ZNF43: variants seen among roughly 807,000 people sequenced by gnomAD.
ZNF43 encodes the protein zinc finger protein 43.
A neutral mutation model predicts 68.4 loss-of-function variants in ZNF43; 44 were observed. The observed-to-expected ratio is 0.64, with a 90% CI of 0.51 to 0.83. The LOEUF is 0.83. Ranked by LOEUF, ZNF43 falls within the 40% of genes least tolerant of loss-of-function variation. The probability of loss-of-function intolerance (pLI) is 0.00; values close to 1 mark genes in which losing one functional copy is unlikely to be tolerated. For missense variants in ZNF43, 896 were observed against 933.2 expected (o/e 0.96, Z 0.52); for synonymous variants, 308 against 307.8 (o/e 1.00, Z -0.01).
At chr19:21,835,063 T>C (rs2038634008) in intron 1 of ZNF43, among the ~76,000 whole-genome samples, 1 of 148,958 alleles carries the variant, frequency 6.7e-6, no homozygotes, top group African/African-American at 2.5e-5. Flanking sequence ...CTGGCCAATA[T>C]AGTGAAATCC....
At chr19:21,831,651 C>T (rs867352120) in intron 1 of ZNF43, among the ~76,000 whole-genome samples, 5 of 152,096 alleles carry the variant, frequency 3.3e-5, no homozygotes, top group African/African-American at 7.2e-5. Flanking sequence ...TGAACCACCA[C>T]GCCCGGCTCC....
chr19:21,827,290 T>C (rs1020178729), intron 1 of ZNF43: 2 of 152,192 alleles, frequency 1.3e-5, no homozygotes, highest in Non-Finnish European at 2.9e-5. Flanking sequence ...TGATGAAGAA[T>C]TGAAATCTTG....
chr19:21,824,822 AG>A (rs1489858269), intron 1 of ZNF43, among the ~76,000 whole-genome samples: 1 of 151,944 alleles, frequency 6.6e-6, no homozygotes, highest in Non-Finnish European at 1.5e-5. Context: ...GCCAAGCTTG[AG>A]GATTATAACC....
rs377026532 is a variant in ZNF43 at position 21,808,983 on chromosome 19, T to C, written c.1054A>G (p.Asn352Asp). 5 of 1,613,856 alleles carry C rather than the reference T, an allele frequency of 3.1e-6. No individual in the cohort carries two copies. In the African/African-American group the frequency reaches 6.7e-5, roughly 22 times the overall value. ...YTCEECGKAF[N>D]QFSNLTTHKR... ...TGTGTAGTAAGGTTTGAGAACTGGT[T>C]AAAGGCTTTGCCACATTCTTCACAT... Residue 352 changes from asparagine to aspartate, a missense_variant, in exon 4 of 4, where the codon AAC (asparagine) becomes GAC (aspartate). Physicochemically the swap from Asn to Asp is conservative, Grantham distance 23. Transcript: ENST00000354959.
chr19:21,809,242 T>G lies in ZNF43; in HGVS notation c.795A>C (p.Lys265Asn). 1 of 1,613,768 alleles carries G rather than the reference T, an allele frequency of 6.2e-7. No individual in the cohort carries two copies. The highest frequency in any genetic ancestry group is 8.5e-7 in the Non-Finnish European group (1 of 1,179,880). ...YKLYKCEECG[K>N]AFNKSSILTT... ...TAAGGATTGAGGACTTGTTAAAAGCTTTGCCACATTCTTCACATTTGTAGA... is the reference window on the plus strand; with the variant it reads ...TAAGGATTGAGGACTTGTTAAAAGCGTTGCCACATTCTTCACATTTGTAGA... The change falls in exon 4 of 4, where the codon AAA becomes AAC. Residue 265 changes from lysine to asparagine, a missense_variant. By Grantham distance (94) the Lys-to-Asn change is moderately conservative (BLOSUM62 0). Transcript: ENST00000354959.
At chr19:21,816,026 A>T (rs1195307879) in intron 3 of ZNF43, among the ~76,000 whole-genome samples, 1 of 151,642 alleles carries the variant, frequency 6.6e-6, no homozygotes, top group Non-Finnish European at 1.5e-5. Flanking sequence ...GTGCCATTGC[A>T]CTCCAGCCTG....
chr19:21,844,911 AAAAAAAAAAAATAT>A, intron 1 of ZNF43, among the ~76,000 whole-genome samples: 1 of 103,654 alleles, frequency 9.6e-6, no homozygotes, highest in African/African-American at 5.2e-5. Flanking sequence ...AAAAAAAAAA[AAAAAAAAAAAATAT>A]ATATATATAT....
At chr19:21,825,305 G>C (rs979496033) in intron 1 of ZNF43, among the ~76,000 whole-genome samples, 1 of 152,112 alleles carries the variant, frequency 6.6e-6, no homozygotes, top group African/African-American at 2.4e-5. Flanking sequence ...AAATAACACT[G>C]ATTATTGATT....
chr19:21,846,212 G>A (rs1004570172), intron 1 of ZNF43, among the ~76,000 whole-genome samples: 1 of 152,026 alleles, frequency 6.6e-6, no homozygotes, highest in African/African-American at 2.4e-5. Flanking sequence ...GTCTAGCTAT[G>A]AGAGGAGAGT....
rs778859596 is a variant in ZNF43, at chr19:21,836,050, C to CG, written c.-13dup. On this transcript the variant is annotated 5_prime_UTR_variant, in exon 1 of 4. Transcript: ENST00000354959. ...GGCACTCTCACCATTTCTAGGCTTC[C>CG]GGGGGGTCCTGGCGTCTTAGCTGTG... 6.2e-6 allele frequency: 10 copies of CG among 1,613,754 alleles called. No homozygotes were observed. The highest frequency in any genetic ancestry group is 5.3e-5 in the African/African-American group (4 of 74,894).
chr19:21,835,954 A>G (rs778536149), intron 1 of ZNF43, 82 bp downstream of exon 1: 60 of 1,606,676 alleles, frequency 3.7e-5, no homozygotes, highest in Non-Finnish European at 4.9e-5. Flanking sequence ...CGGCACGCGC[A>G]GATTGTGGAG....
intron 1 of ZNF43, among the ~76,000 whole-genome samples, chr19:21,849,275 G>T (rs554629996): frequency 6.6e-6 from 1 of 152,116 alleles, no homozygotes; most frequent in African/African-American, 2.4e-5. Flanking sequence ...GATAACCTGA[G>T]GTCGGGAGTT....
At position 21,808,594 on chromosome 19, in the gene ZNF43, C is replaced by T. The variant is rs533846548; in HGVS notation, c.1443G>A (p.Pro481=). ...THKRIHTAEK[P]YKCEECGKAF... ...CTTTGCCACATTCTTCACATTTGTACGGTTTTTCTGCAGTATGAATTCTCT... is the reference window on the plus strand; with the variant it reads ...CTTTGCCACATTCTTCACATTTGTATGGTTTTTCTGCAGTATGAATTCTCT... Residue 481 remains proline, a synonymous_variant, in exon 4 of 4, where the codon CCG becomes CCA. Coordinates refer to ENST00000354959, the MANE Select transcript of ZNF43 (RefSeq NM_003423.4). 3.0e-5 allele frequency: 47 copies of T among 1,592,948 alleles called. No individual in the cohort carries two copies. Among genetic ancestry groups the T allele is most frequent in the Admixed American group, 1.0e-4 (6 of 57,704 alleles).
chr19:21,811,793 G>A (rs1276863367), intron 3 of ZNF43, among the ~76,000 whole-genome samples: 1 of 151,976 alleles, frequency 6.6e-6, no homozygotes, highest in African/African-American at 2.4e-5. Context: ...CTGAAACGTG[G>A]ATACCAACAC....
At chr19:21,850,516 C>T (rs1346211129) in intron 1 of ZNF43, among the ~76,000 whole-genome samples, 4 of 150,780 alleles carry the variant, frequency 2.7e-5, no homozygotes, top group African/African-American at 9.8e-5. Flanking sequence ...GCCGAGATCG[C>T]ACCACTGCAC....
At chr19:21,833,579 G>A (rs1242613587) in intron 1 of ZNF43, among the ~76,000 whole-genome samples, 3 of 151,692 alleles carry the variant, frequency 2.0e-5, no homozygotes, top group Non-Finnish European at 2.9e-5. Flanking sequence ...CTGTGACACT[G>A]TAGCACACAT....
At position 21,806,309 on chromosome 19, in the gene ZNF43, T is replaced by C. The variant is rs2036939241; in HGVS notation, c.*1298A>G. ...CTCCTGCTTCAGCCTTTGAAGTAGC[T>C]GGGATTATAGGTGCCTGGTAAATTT... On this transcript the variant is annotated 3_prime_UTR_variant, in exon 4 of 4. Transcript: ENST00000354959. 6.6e-6 allele frequency: 1 copy of C among 152,022 alleles called. No individual in the cohort carries two copies. Among genetic ancestry groups the C allele is most frequent in the Non-Finnish European group, 1.5e-5 (1 of 68,024 alleles). 9.4% of individuals were successfully genotyped at this position (152,022 alleles called of 1,614,324 possible).
rs1314074588 is a variant in ZNF43 at position 21,836,098 on chromosome 19, A to G, written c.-60T>C. Reference sequence around the variant, plus strand: ...GTGGATCCCCCAATACCCGCAGGTCACAGAGCCACAGAGGCTGGACCTCTA... The same window carrying G: ...GTGGATCCCCCAATACCCGCAGGTCGCAGAGCCACAGAGGCTGGACCTCTA... On this transcript the variant is annotated 5_prime_UTR_variant, in exon 1 of 4. Coordinates refer to ENST00000354959, the MANE Select transcript of ZNF43 (RefSeq NM_003423.4). The G allele has an allele frequency of 1.2e-5, 20 of 1,612,100 alleles. No homozygotes were observed. The East Asian group carries it at 4.2e-4, about 34-fold the overall frequency.
At chr19:21,822,829 T>C (rs1466013076) in intron 1 of ZNF43, among the ~76,000 whole-genome samples, 2 of 151,870 alleles carry the variant, frequency 1.3e-5, no homozygotes, top group Non-Finnish European at 2.9e-5. Context: ...TAAAGAATTG[T>C]GTTCCCTATG....
Sources: allele counts gnomAD v4.1 joint callset (sites outside exome capture counted in the v4.1 genomes callset), GRCh38; gene constraint gnomAD v4.1.1; transcripts MANE v1.5; gene names NCBI Gene and HGNC (gene_info 2026-07-23, HGNC 2026-07-21).